The following RANBP17 variants were observed in gnomAD, a reference collection of about 807,000 sequenced individuals.
The protein encoded by RANBP17 is ran-binding protein 17.
Under a neutral mutation model 141.2 loss-of-function variants are expected in RANBP17, and 158 were observed. That is an observed-to-expected ratio of 1.12 (90% CI 0.98 to 1.28). The LOEUF is 1.28. Ranked by LOEUF, RANBP17 falls within the 50% of genes most tolerant of loss-of-function variation. The pLI, the probability that RANBP17 is intolerant of heterozygous loss-of-function variation, is 0.00. For missense variants in RANBP17, 1,438 were observed against 1,290.7 expected (o/e 1.11, Z -1.75); for synonymous variants, 430 against 450.0 (o/e 0.96, Z 0.56).
rs1214238634 is a variant in RANBP17 at position 171,213,638 on chromosome 5, A to G, written c.2239A>G (p.Thr747Ala). Reference sequence around the variant, plus strand: ...TAACAGGCTTTATAAAAGGTACCCAACGTACCTTCCCCTTCTTCAGAATGC... The same window carrying G: ...TAACAGGCTTTATAAAAGGTACCCAGCGTACCTTCCCCTTCTTCAGAATGC... ...YTMLFDWMYP[T>A]YLPLLQNAVE... Residue 747 changes from threonine (T) to alanine (A), a missense_variant, in exon 21 of 28, where the codon ACG (threonine) becomes GCG (alanine). Thr to Ala is a moderately conservative substitution (Grantham distance 58). Coordinates refer to ENST00000523189, the MANE Select transcript of RANBP17 (RefSeq NM_022897.5). The G allele has an allele frequency of 5.6e-6, 9 of 1,610,954 alleles. No homozygotes were observed. The highest frequency in any genetic ancestry group is 4.5e-5 in the East Asian group (2 of 44,862).
chr5:170,934,047 C>T (rs1773645577), intron 12 of RANBP17, among the ~76,000 whole-genome samples: 1 of 152,108 alleles, frequency 6.6e-6, no homozygotes, highest in Non-Finnish European at 1.5e-5. Context: ...GTACGGGAGT[C>T]TAAGTCTCTT....
intron 14 of RANBP17, among the ~76,000 whole-genome samples, chr5:171,006,642 G>A (rs1779636199): frequency 6.6e-6 from 1 of 151,492 alleles, no homozygotes; most frequent in Admixed American, 6.6e-5. Context: ...TATACCTAAT[G>A]TTACATGACG....
chr5:171,277,637 G>GTATGTA (rs1554127913), intron 25 of RANBP17, among the ~76,000 whole-genome samples: 2 of 56,904 alleles, frequency 3.5e-5, no homozygotes, highest in African/African-American at 1.2e-4. Context: ...ATATATGTAT[G>GTATGTA]TATATATATA....
intron 12 of RANBP17, among the ~76,000 whole-genome samples, chr5:170,933,447 T>G (rs190784020): frequency 5.3e-4 from 80 of 152,342 alleles, no homozygotes; most frequent in Admixed American, 1.0e-3. Context: ...ATTTCTAGCC[T>G]TCTGCTAGCC....
chr5:171,095,601 G>A (rs896875398), intron 14 of RANBP17, among the ~76,000 whole-genome samples: 6 of 152,142 alleles, frequency 3.9e-5, no homozygotes, highest in African/African-American at 1.4e-4. Context: ...GGTTATAGTA[G>A]TCCAGTGAGC....
chr5:170,988,949 C>T lies in RANBP17; in HGVS notation c.1710+20572C>T, dbSNP rs189481024. On this transcript the variant is annotated intron_variant, in intron 14 of 27. Transcript: ENST00000523189. ...GATGAAGATGGGAAGCCTTCCTTACCGGAGTCTTGGGTAGAATTTGCTATC... is the reference window on the plus strand; with the variant it reads ...GATGAAGATGGGAAGCCTTCCTTACTGGAGTCTTGGGTAGAATTTGCTATC... Among the ~76,000 whole-genome samples the T allele has an allele frequency of 1.8e-4, 27 of 151,836 alleles. No homozygotes were observed. In the East Asian group the frequency reaches 3.1e-3, roughly 17 times the overall value.
Position 170,968,307 on chromosome 5 carries a change from T to C in RANBP17, c.1640T>C (p.Leu547Pro). The change falls in exon 14 of 28, where the codon CTT becomes CCT. Residue 547 changes from leucine (L) to proline (P), a missense_variant. Physicochemically the swap from Leu to Pro is moderately conservative, Grantham distance 98. Transcript: ENST00000523189. Reference protein sequence around the residue: ...LPRCCNEKIELAILWFLDQFR... With the variant: ...LPRCCNEKIEPAILWFLDQFR... ...CGATGTTGTAATGAGAAAATAGAGC[T>C]TGCAATTCTGTGGTTCTTGGATCAG... is the stretch of plus-strand genomic sequence containing the variant. 6.2e-7 allele frequency: 1 copy of C among 1,609,470 alleles called. No homozygotes were observed. The highest frequency in any genetic ancestry group is 8.5e-7 in the Non-Finnish European group (1 of 1,177,714).
chr5:171,244,994 T>TAA (rs1161299586), intron 24 of RANBP17, among the ~76,000 whole-genome samples: 1 of 151,872 alleles, frequency 6.6e-6, no homozygotes. Context: ...CCGGGCTTGG[T>TAA]AGCGGGCACC....
chr5:171,279,585 T>C (rs956073415), intron 25 of RANBP17, among the ~76,000 whole-genome samples: 3 of 152,162 alleles, frequency 2.0e-5, no homozygotes, highest in Non-Finnish European at 4.4e-5. Context: ...GTTTCTAACA[T>C]ATTCTTTTTG....
Position 170,888,616 on chromosome 5 carries a change from T to C in RANBP17, c.257-3771T>C, listed in dbSNP as rs151263007. 5.3e-5 allele frequency among the ~76,000 whole-genome samples: 8 copies of C among 152,294 alleles called. No individual in the cohort carries two copies. The East Asian group carries it at 1.5e-3, about 29-fold the overall frequency. On this transcript the variant is annotated intron_variant, in intron 3 of 27. Coordinates refer to ENST00000523189, the MANE Select transcript of RANBP17 (RefSeq NM_022897.5). ...AGTTCATAATTTTTTGTCAGTTCTT[T>C]CATATTTTCTACATATCATGCCATC...
At chr5:171,252,803 G>A (rs532027574) in intron 24 of RANBP17, 2 of 1,230,644 alleles carry the variant, frequency 1.6e-6, no homozygotes, top group East Asian at 2.3e-5. Flanking sequence ...CTCATTGTCA[G>A]CATTGGTCCC....
chr5:171,123,917 A>G (rs575923353), intron 14 of RANBP17, among the ~76,000 whole-genome samples: 113 of 152,354 alleles, frequency 7.4e-4, no homozygotes, highest in African/African-American at 2.4e-3. Flanking sequence ...AATTAAAAGA[A>G]GCAACTTACC....
intron 14 of RANBP17, among the ~76,000 whole-genome samples, chr5:171,048,657 C>T (rs1782751633): frequency 6.6e-6 from 1 of 152,072 alleles, no homozygotes; most frequent in African/African-American, 2.4e-5. Context: ...GTAGACTGTG[C>T]TGTCTGTTGT....
At chr5:171,290,164 C>T (rs930501613) in intron 25 of RANBP17, among the ~76,000 whole-genome samples, 1 of 150,880 alleles carries the variant, frequency 6.6e-6, no homozygotes, top group East Asian at 2.0e-4. Flanking sequence ...GTCAGGAGTT[C>T]GAGACCAGCC....
intron 14 of RANBP17, among the ~76,000 whole-genome samples, chr5:171,068,948 T>C (rs1784475125): frequency 6.6e-6 from 1 of 152,190 alleles, no homozygotes; most frequent in African/African-American, 2.4e-5. Context: ...CAAACTATTT[T>C]TGCGAAAACT....
At chr5:171,172,861 T>C (rs1760196720) in intron 16 of RANBP17, among the ~76,000 whole-genome samples, 2 of 151,926 alleles carry the variant, frequency 1.3e-5, no homozygotes, top group South Asian at 4.1e-4. Context: ...ATTCTTTAAT[T>C]CAAATATTAT....
intron 12 of RANBP17, among the ~76,000 whole-genome samples, chr5:170,937,049 G>T (rs1241898230): frequency 1.3e-5 from 2 of 152,098 alleles, no homozygotes; most frequent in Non-Finnish European, 2.9e-5. Context: ...GTCTTTTGTA[G>T]GTGGTAAATA....
intron 16 of RANBP17, 54 bp downstream of exon 16, chr5:171,171,340 T>C: frequency 2.0e-6 from 2 of 977,696 alleles, no homozygotes; most frequent in Non-Finnish European, 3.1e-6. Flanking sequence ...AGCAGATGCA[T>C]TTAATTAACC....
At chr5:171,167,491 T>C (rs1759785998) in intron 14 of RANBP17, among the ~76,000 whole-genome samples, 1 of 152,114 alleles carries the variant, frequency 6.6e-6, no homozygotes, top group Admixed American at 6.6e-5. Flanking sequence ...TTTGAGATAA[T>C]GCCATGGACA....
Sources: allele counts gnomAD v4.1 joint callset (sites outside exome capture counted in the v4.1 genomes callset), GRCh38; gene constraint gnomAD v4.1.1; transcripts MANE v1.5; gene names NCBI Gene and HGNC (gene_info 2026-07-23, HGNC 2026-07-21).